REPS1: variants seen among roughly 807,000 people sequenced by gnomAD.
The protein encoded by REPS1 is ralBP1-associated Eps domain-containing protein 1.
REPS1 carries 39 observed loss-of-function variants against 100.9 expected under a neutral mutation model. The observed-to-expected ratio is 0.39, with a 90% confidence interval of 0.30 to 0.50. REPS1 has a LOEUF of 0.50. Among genes scored for constraint, REPS1 ranks in the 20% least tolerant of loss-of-function variants. The pLI is 0.86. For synonymous variants in REPS1, 324 were observed against 340.3 expected, an observed-to-expected ratio of 0.95 and a Z score of 0.53; for missense variants, 821 against 968.5, an observed-to-expected ratio of 0.85 and a Z score of 2.02.
At position 138,944,422 on chromosome 6, in the gene REPS1, C is replaced by T. The variant is rs1782477693; in HGVS notation, c.753+76G>A. ...TTTGCATTTATAAAATCTGCAACAGCAAAATATAAAAACAACGACTGGAGC... is the reference window on the plus strand; with the variant it reads ...TTTGCATTTATAAAATCTGCAACAGTAAAATATAAAAACAACGACTGGAGC... On this transcript the variant is annotated intron_variant, in intron 5 of 19. Coordinates refer to ENST00000450536, the MANE Select transcript of REPS1 (RefSeq NM_001286611.2). 4 of 1,489,998 alleles carry T rather than the reference C, an allele frequency of 2.7e-6. No homozygotes were observed. The African/African-American group carries it at 5.7e-5, about 21-fold the overall frequency. 92.3% of individuals were successfully genotyped at this position (1,489,998 alleles called of 1,614,324 possible). A position where few individuals can be genotyped will look rare whatever the true frequency, so the allele number is the denominator to read the frequency against.
chr6:138,953,830 T>A (rs1183387240), intron 1 of REPS1, among the ~76,000 whole-genome samples: 1 of 152,132 alleles, frequency 6.6e-6, no homozygotes, highest in Non-Finnish European at 1.5e-5. Flanking sequence ...GATCCAGCAA[T>A]CCTACTACTG....
intron 8 of REPS1, among the ~76,000 whole-genome samples, chr6:138,932,388 T>C (rs532465334): frequency 1.9e-4 from 29 of 152,294 alleles, no homozygotes; most frequent in African/African-American, 6.3e-4. Context: ...ATGTTGACAT[T>C]TGCACTGAAT....
intron 8 of REPS1, among the ~76,000 whole-genome samples, chr6:138,931,116 G>T (rs1359857356): frequency 2.6e-5 from 4 of 152,092 alleles, no homozygotes; most frequent in African/African-American, 7.2e-5. Context: ...CATTGTGTCT[G>T]ACCATGGGCA....
At chr6:138,969,269 A>ATTTTGTTTTTTTTTTTTTTTTT (rs1784186346) in intron 1 of REPS1, among the ~76,000 whole-genome samples, 1 of 74,258 alleles carries the variant, frequency 1.3e-5, no homozygotes, top group Non-Finnish European at 2.6e-5. Context: ...CAAAGCTGTA[A>ATTTTGTTTTTTTTTTTTTTTTT]TTTTTTTTTT....
At position 138,914,734 on chromosome 6, in the gene REPS1, T is replaced by C. The variant is rs550573092; in HGVS notation, c.1748A>G (p.His583Arg). Reference protein sequence around the residue: ...TGQQQAGVVAHPPAVPPRPQP... With the variant: ...TGQQQAGVVARPPAVPPRPQP... ...TGGTCTTGGAGGCACTGCAGGAGGATGGGCAACAACTCCAGCCTGTTGTTG... is the reference window on the plus strand; with the variant it reads ...TGGTCTTGGAGGCACTGCAGGAGGACGGGCAACAACTCCAGCCTGTTGTTG... Residue 583 changes from histidine to arginine, a missense_variant, in exon 15 of 20, where the codon CAT becomes CGT. Coordinates refer to ENST00000450536, the MANE Select transcript of REPS1 (RefSeq NM_001286611.2). The C allele has an allele frequency of 1.9e-6, 3 of 1,612,408 alleles. No homozygotes were observed. The highest frequency in any genetic ancestry group is 2.5e-6 in the Non-Finnish European group (3 of 1,179,548).
rs2128430732 is a variant in REPS1, at chr6:138,912,765, C to T, written c.1971G>A (p.Pro657=). Residue 657 remains proline, a splice_region_variant and synonymous_variant, in exon 16 of 20, where the codon CCG becomes CCA. Transcript: ENST00000450536. ...ATTAGCCAAGCCCTCGAAAACTGAC[C>T]GGCAGGACTTCTGGATGTTTCTCGG... ...DEAEKHPEVL[P]AEKASDPASS... 3 of 1,614,078 alleles carry T rather than the reference C, an allele frequency of 1.9e-6. No homozygotes were observed. The highest frequency in any genetic ancestry group is 2.5e-6 in the Non-Finnish European group (3 of 1,179,994).
intron 1 of REPS1, among the ~76,000 whole-genome samples, chr6:138,948,214 T>C (rs982914105): frequency 1.3e-5 from 2 of 152,182 alleles, no homozygotes; most frequent in African/African-American, 4.8e-5. Context: ...CCCACTCTTA[T>C]TCATAAGCAC....
chr6:138,974,723 G>C (rs1056437521), intron 1 of REPS1, among the ~76,000 whole-genome samples: 2 of 152,148 alleles, frequency 1.3e-5, no homozygotes, highest in Non-Finnish European at 2.9e-5. Flanking sequence ...CAATATCAGA[G>C]TTAATTAACT....
intron 1 of REPS1, among the ~76,000 whole-genome samples, chr6:138,980,421 G>C (rs1483385778): frequency 6.6e-6 from 1 of 152,092 alleles, no homozygotes; most frequent in Non-Finnish European, 1.5e-5. Context: ...ACAAGGGCCT[G>C]CCTTATGCAG....
At chr6:138,955,457 A>AAT (rs10689184) in intron 1 of REPS1, among the ~76,000 whole-genome samples, 5 of 90,720 alleles carry the variant, frequency 5.5e-5, no homozygotes, top group Admixed American at 2.3e-4. Context: ...AAAAAAAAAA[A>AAT]GTGTGTGTGT....
intron 14 of REPS1, chr6:138,915,059 G>A: frequency 3.2e-6 from 1 of 312,438 alleles, no homozygotes; most frequent in Non-Finnish European, 5.8e-6. Context: ...TCTGACTGCT[G>A]TTTAGGTATC....
chr6:138,988,073 T>A lies in REPS1; in HGVS notation c.-391A>T. 2.5e-6 allele frequency: 1 copy of A among 397,696 alleles called. No homozygotes were observed. Among genetic ancestry groups the A allele is most frequent in the East Asian group, 3.6e-5 (1 of 28,002 alleles). The allele number at this position is 397,696 out of a possible 1,614,324, so 24.6% of individuals were successfully genotyped here. Reference sequence around the variant, plus strand: ...CGGCTCCCTGCCGATTCCCCCAGACTTCCCGCCTCGGCTTCCCCTTCCGTC... The same window carrying A: ...CGGCTCCCTGCCGATTCCCCCAGACATCCCGCCTCGGCTTCCCCTTCCGTC... On this transcript the variant is annotated 5_prime_UTR_variant, in exon 1 of 20. In the 5' UTR this introduces an upstream ATG that the reference lacks. Transcript: ENST00000450536.
At chr6:138,945,179 G>A (rs751404535) in intron 4 of REPS1, 40 bp downstream of exon 4, 1 of 1,538,092 alleles carries the variant, frequency 6.5e-7, no homozygotes, top group Non-Finnish European at 8.8e-7. Flanking sequence ...GACCAGCCTG[G>A]GCAACACAAT....
chr6:138,970,094 C>T (rs1415814323), intron 1 of REPS1, among the ~76,000 whole-genome samples: 2 of 151,962 alleles, frequency 1.3e-5, no homozygotes, highest in East Asian at 3.9e-4. Context: ...TTATAATTCA[C>T]TAATCTATTC....
chr6:138,919,997 C>A (rs1780646239), intron 12 of REPS1, among the ~76,000 whole-genome samples: 2 of 152,138 alleles, frequency 1.3e-5, no homozygotes, highest in Non-Finnish European at 2.9e-5. Flanking sequence ...TAAGATCAAA[C>A]CTGGCTACAC....
intron 2 of REPS1, among the ~76,000 whole-genome samples, chr6:138,947,035 G>GCTCGCTCTCTCTCT (rs10648982): frequency 7.3e-6 from 1 of 137,636 alleles, no homozygotes; most frequent in East Asian, 2.2e-4. Context: ...ATTCCCCCTT[G>GCTCGCTCTCTCTCT]CTCTCTCTCT....
chr6:138,955,962 C>A (rs907568794), intron 1 of REPS1, among the ~76,000 whole-genome samples: 4 of 152,106 alleles, frequency 2.6e-5, no homozygotes, highest in African/African-American at 9.7e-5. Flanking sequence ...CATTTACTAC[C>A]CTGATCATAG....
At chr6:138,985,573 T>C (rs1785212513) in intron 1 of REPS1, among the ~76,000 whole-genome samples, 1 of 152,212 alleles carries the variant, frequency 6.6e-6, no homozygotes, top group African/African-American at 2.4e-5. Flanking sequence ...TTAGACCAAT[T>C]TTTAAGTAAA....
intron 1 of REPS1, among the ~76,000 whole-genome samples, chr6:138,983,113 A>G (rs1785046722): frequency 6.6e-6 from 1 of 152,202 alleles, no homozygotes; most frequent in Non-Finnish European, 1.5e-5. Context: ...GACGTGAATA[A>G]TAGTAAGGGA....
Sources: allele counts gnomAD v4.1 joint callset (sites outside exome capture counted in the v4.1 genomes callset), GRCh38; gene constraint gnomAD v4.1.1; transcripts MANE v1.5; gene names NCBI Gene and HGNC (gene_info 2026-07-23, HGNC 2026-07-21).